Variants in YKT6 observed in about 807,000 individuals in gnomAD.
YKT6 encodes YKT6 vesicular SNARE protein.
A neutral mutation model predicts 29.3 loss-of-function variants in YKT6; 12 were observed. The ratio of observed to expected loss-of-function variants is 0.41; its 90% CI spans 0.26 to 0.66. YKT6 has a LOEUF of 0.66. YKT6 is among the 30% of genes least tolerant of loss of function. The probability of loss-of-function intolerance (pLI) is 0.32; values close to 1 mark genes in which losing one functional copy is unlikely to be tolerated. For synonymous variants in YKT6, 86 were observed against 94.3 expected (o/e 0.91, Z 0.51); for missense variants, 188 against 243.8 (o/e 0.77, Z 1.52).
chr7:44,206,863 A>T (rs2096341401), intron 3 of YKT6, among the ~76,000 whole-genome samples: 1 of 152,128 alleles, frequency 6.6e-6, no homozygotes, highest in South Asian at 2.1e-4. Context: ...CCTTGATGTC[A>T]GTCAGTTGCA....
intron 1 of YKT6, among the ~76,000 whole-genome samples, chr7:44,203,017 A>T (rs73114357): frequency 6.6e-6 from 1 of 152,174 alleles, no homozygotes; most frequent in South Asian, 2.1e-4. Flanking sequence ...CTAGTTTCCA[A>T]TGACTAACAG....
chr7:44,205,842 C>T lies in YKT6; in HGVS notation c.188-543C>T, dbSNP rs377557340. ...AGTAGCTAATCTTTTTCTAGACTAA[C>T]CCCCCTACTCCCAGTCACCCACCAG... On this transcript the variant is annotated intron_variant, in intron 2 of 6. Coordinates refer to ENST00000223369, the MANE Select transcript of YKT6 (RefSeq NM_006555.4). Among the ~76,000 whole-genome samples the T allele has an allele frequency of 1.5e-4, 23 of 152,306 alleles. No homozygotes were observed. In the East Asian group the frequency reaches 4.2e-3, roughly 28 times the overall value.
intron 3 of YKT6, among the ~76,000 whole-genome samples, chr7:44,206,883 T>G (rs907794490): frequency 7.2e-5 from 11 of 152,192 alleles, no homozygotes; most frequent in African/African-American, 2.7e-4. Flanking sequence ...ACCACAGAGC[T>G]TAGCACCTAA....
intron 1 of YKT6, among the ~76,000 whole-genome samples, chr7:44,203,603 C>G (rs540851286): frequency 6.6e-6 from 1 of 152,324 alleles, no homozygotes; most frequent in South Asian, 2.1e-4. Context: ...GTCTTCTTTT[C>G]TGAGGGGTTA....
At chr7:44,209,142 A>G (rs566410841) in intron 5 of YKT6, among the ~76,000 whole-genome samples, 1 of 152,342 alleles carries the variant, frequency 6.6e-6, no homozygotes, top group East Asian at 1.9e-4. Flanking sequence ...TACCATGCTC[A>G]GCAGTTGATA....
intron 1 of YKT6, among the ~76,000 whole-genome samples, chr7:44,203,017 A>G (rs73114357): frequency 3.9e-5 from 6 of 152,292 alleles, no homozygotes; most frequent in South Asian, 2.1e-4. Flanking sequence ...CTAGTTTCCA[A>G]TGACTAACAG....
intron 2 of YKT6, 26 bp downstream of exon 2, chr7:44,204,676 C>A: frequency 6.2e-7 from 1 of 1,612,096 alleles, no homozygotes; most frequent in Non-Finnish European, 8.5e-7. Flanking sequence ...AACTTCTGTG[C>A]GTGTGCTGGC....
chr7:44,203,451 C>T (rs111817029), intron 1 of YKT6, among the ~76,000 whole-genome samples: 5 of 152,250 alleles, frequency 3.3e-5, no homozygotes, highest in South Asian at 2.1e-4. Flanking sequence ...TATAATTACC[C>T]GATTCCAAAG....
chr7:44,210,223 G>A (rs2096345192), intron 5 of YKT6, among the ~76,000 whole-genome samples: 1 of 152,146 alleles, frequency 6.6e-6, no homozygotes, highest in Non-Finnish European at 1.5e-5. Context: ...TTTGTTTCCT[G>A]TGGCTGCTGT....
At chr7:44,206,919 G>A (rs2096341455) in intron 3 of YKT6, among the ~76,000 whole-genome samples, 1 of 152,076 alleles carries the variant, frequency 6.6e-6, no homozygotes, top group South Asian at 2.1e-4. Context: ...TTTTGCGTAC[G>A]GTGCTAATTA....
At chr7:44,204,707 C>T (rs2096339123) in intron 2 of YKT6, 57 bp downstream of exon 2, 1 of 1,548,358 alleles carries the variant, frequency 6.5e-7, no homozygotes, top group Non-Finnish European at 8.9e-7. Context: ...TGCCTCACCT[C>T]ACATAGCACC....
At position 44,200,988 on chromosome 7, in the gene YKT6, C is replaced by G. The variant is rs2096334568; in HGVS notation, c.-148C>G. Reference sequence around the variant, plus strand: ...ACCGGATCCGGAAGTGGATTGCGAGCCAGGAGGAGGAAGCCGGCGGTGGCC... The same window carrying G: ...ACCGGATCCGGAAGTGGATTGCGAGGCAGGAGGAGGAAGCCGGCGGTGGCC... On this transcript the variant is annotated 5_prime_UTR_variant, in exon 1 of 7. Transcript: ENST00000223369. 3.4e-6 allele frequency: 2 copies of G among 589,174 alleles called. No homozygotes were observed. The highest frequency in any genetic ancestry group is 4.0e-5 in the African/African-American group (2 of 49,726). 36.5% of individuals were successfully genotyped at this position (589,174 alleles called of 1,614,324 possible).
chr7:44,212,238 T>G lies in YKT6; in HGVS notation c.562-9T>G. On this transcript the variant is annotated splice_polypyrimidine_tract_variant and intron_variant, in intron 6 of 6. Coordinates refer to ENST00000223369, the MANE Select transcript of YKT6 (RefSeq NM_006555.4). ...CCTCCTTCTCAGCTCCTCTTTGTTTTTTTCCAAGGCCCGGAAACAAAACTC... is the reference window on the plus strand; with the variant it reads ...CCTCCTTCTCAGCTCCTCTTTGTTTGTTTCCAAGGCCCGGAAACAAAACTC... The G allele has an allele frequency of 1.2e-6, 2 of 1,614,090 alleles. No homozygotes were observed. Among genetic ancestry groups the G allele is most frequent in the Non-Finnish European group, 1.7e-6 (2 of 1,180,008 alleles).
intron 3 of YKT6, among the ~76,000 whole-genome samples, chr7:44,207,002 A>G (rs570544533): frequency 1.7e-4 from 26 of 152,296 alleles, no homozygotes; most frequent in African/African-American, 6.3e-4. Flanking sequence ...AAACACATGG[A>G]ATCTGGTGGT....
At position 44,213,701 on chromosome 7, in the gene YKT6, T is replaced by G. The variant is rs1163599367; in HGVS notation, c.*1419T>G. On this transcript the variant is annotated 3_prime_UTR_variant, in exon 7 of 7. Coordinates refer to ENST00000223369, the MANE Select transcript of YKT6 (RefSeq NM_006555.4). ...GCCACACTGCTGAGAGCACCCACTG[T>G]CCTGACCAGAGTCTCAGTGGTCCTG... 6.6e-6 allele frequency: 1 copy of G among 152,316 alleles called. No individual in the cohort carries two copies. Among genetic ancestry groups the G allele is most frequent in the East Asian group, 1.9e-4 (1 of 5,188 alleles). The allele number at this position is 152,316 out of a possible 1,614,324, so 9.4% of individuals were successfully genotyped here.
In YKT6 at chr7:44,201,093, G is replaced by A. The variant is rs1052271764; in HGVS notation, c.-43G>A. 6.6e-7 allele frequency: 1 copy of A among 1,521,622 alleles called. No individual in the cohort carries two copies. 94.3% of individuals were successfully genotyped at this position (1,521,622 alleles called of 1,614,324 possible). The stretch of plus-strand genomic sequence containing the variant: ...GCGGCCGCGCTGCTCCCTGAGAACG[G>A]GTCCCGCAGCTGGGCAGGCGGGCGG... On this transcript the variant is annotated 5_prime_UTR_variant, in exon 1 of 7. Transcript: ENST00000223369.
rs966484333 is a variant in YKT6 at position 44,212,806 on chromosome 7, C to T, written c.*524C>T. The T allele has an allele frequency of 5.2e-5, 8 of 152,572 alleles. No homozygotes were observed. Among genetic ancestry groups the T allele is most frequent in the African/African-American group, 1.9e-4 (8 of 41,472 alleles). The allele number at this position is 152,572 out of a possible 1,614,324, so 9.5% of individuals were successfully genotyped here. A position where few individuals can be genotyped will look rare whatever the true frequency, so the allele number is the denominator to read the frequency against. ...ACCACAGAGGCCACAGGCAGGCCCC[C>T]ACTTCAGGCCCAAGGCCTGGGGCGG... is the stretch of plus-strand genomic sequence containing the variant. On this transcript the variant is annotated 3_prime_UTR_variant, in exon 7 of 7. Coordinates refer to ENST00000223369, the MANE Select transcript of YKT6 (RefSeq NM_006555.4).
chr7:44,202,679 T>C (rs566704726), intron 1 of YKT6, among the ~76,000 whole-genome samples: 2 of 152,380 alleles, frequency 1.3e-5, no homozygotes, highest in South Asian at 4.1e-4. Flanking sequence ...AGTGGACACC[T>C]GGGTTGCTTC....
intron 6 of YKT6, chr7:44,211,682 G>A: frequency 1.1e-6 from 1 of 930,970 alleles, no homozygotes; most frequent in Non-Finnish European, 1.3e-6. Context: ...AATTTACTTG[G>A]TCTGTCCACA....
Sources: gnomAD v4.1 joint callset for allele counts (sites outside exome capture counted in the v4.1 genomes callset) on GRCh38, gnomAD v4.1.1 for gene constraint, MANE v1.5 for transcripts, NCBI Gene and HGNC (gene_info 2026-07-23, HGNC 2026-07-21) for gene names.